The following REPS2 variants were observed in gnomAD, a reference collection of about 807,000 sequenced individuals.
REPS2 encodes the protein ralBP1-associated Eps domain-containing protein 2.
Under a neutral mutation model 53.6 loss-of-function variants are expected in REPS2, and 23 were observed. That is an observed-to-expected ratio of 0.43 (90% confidence interval 0.31 to 0.61). REPS2 has a LOEUF of 0.61. Ranked by LOEUF, REPS2 falls within the 20% of genes least tolerant of loss-of-function variation. REPS2 has a pLI of 0.11. For missense variants in REPS2, 446 were observed against 534.9 expected (o/e 0.83, Z 1.64); for synonymous variants, 238 against 218.6 (o/e 1.09, Z -0.78).
At chrX:16,969,909 A>G (rs1366395490) in intron 1 of REPS2, among the ~76,000 whole-genome samples, 1 of 111,952 alleles carries the variant, frequency 8.9e-6, no homozygotes, top group Non-Finnish European at 1.9e-5. Flanking sequence ...CTAGATCAGG[A>G]ATTATATCTC....
At chrX:16,956,269 CA>C (rs1223602989) in intron 1 of REPS2, among the ~76,000 whole-genome samples, 4 of 80,076 alleles carry the variant, frequency 5.0e-5, no homozygotes, top group Non-Finnish European at 9.6e-5. Flanking sequence ...TGCATGTAAG[CA>C]AAAAACCACA....
chrX:17,078,431 A>G (rs1487607073), intron 13 of REPS2, among the ~76,000 whole-genome samples: 3 of 112,199 alleles, frequency 2.7e-5, no homozygotes, highest in East Asian at 5.6e-4. Flanking sequence ...GTTTTTTAAT[A>G]TACTAAAATC....
At chrX:17,124,663 G>A (rs955918753) in intron 14 of REPS2, among the ~76,000 whole-genome samples, 4 of 110,851 alleles carry the variant, frequency 3.6e-5, no homozygotes, top group African/African-American at 9.9e-5. Context: ...AAAGGCCCTG[G>A]AGGCAGCAGC....
intron 5 of REPS2, among the ~76,000 whole-genome samples, chrX:17,041,617 C>T (rs948455337): frequency 1.8e-5 from 2 of 111,988 alleles, no homozygotes; most frequent in Non-Finnish European, 3.8e-5. Flanking sequence ...GAGGCATCCT[C>T]AGATATTCAC....
intron 11 of REPS2, among the ~76,000 whole-genome samples, chrX:17,071,683 T>C (rs2062308741): frequency 9.0e-6 from 1 of 111,277 alleles, no homozygotes. Context: ...CGTTTCAAGG[T>C]GGTGATTTAG....
intron 14 of REPS2, among the ~76,000 whole-genome samples, chrX:17,113,248 A>G (rs1603052932): frequency 9.5e-6 from 1 of 105,329 alleles, no homozygotes; most frequent in Non-Finnish European, 1.9e-5. Context: ...ATTTTTTGCA[A>G]AGATCAACGA....
intron 11 of REPS2, among the ~76,000 whole-genome samples, chrX:17,071,880 G>T (rs775961988): frequency 6.2e-5 from 7 of 112,239 alleles, no homozygotes; most frequent in Admixed American, 9.4e-5. Context: ...TCCACTTGTT[G>T]TAATTGCTGA....
intron 1 of REPS2, among the ~76,000 whole-genome samples, chrX:16,998,390 T>G (rs1478509867): frequency 2.7e-5 from 3 of 112,506 alleles, no homozygotes; most frequent in Non-Finnish European, 5.6e-5. Context: ...TAGTTTCAAC[T>G]TCTGGAGATG....
At chrX:17,182,132 C>CTCTA in the REPS2 span, among the ~76,000 whole-genome samples, 3 of 90,446 alleles carry the variant, frequency 3.3e-5, no homozygotes, top group African/African-American at 1.3e-4. Context: ...ACCTAGTGTG[C>CTCTA]TCTATCTGTC....
the REPS2 span, among the ~76,000 whole-genome samples, chrX:17,162,001 A>G: frequency 8.9e-6 from 1 of 112,036 alleles, no homozygotes; most frequent in Non-Finnish European, 1.9e-5. Flanking sequence ...TCCTCTCCCC[A>G]GTTCTGTGAT....
At chrX:17,142,457 G>T (rs2063458811) in intron 17 of REPS2, among the ~76,000 whole-genome samples, 1 of 111,621 alleles carries the variant, frequency 9.0e-6, no homozygotes, top group Non-Finnish European at 1.9e-5. Context: ...TTTGATAAAA[G>T]ACTTATATCT....
At chrX:17,112,119 C>T (rs2062979675) in intron 14 of REPS2, among the ~76,000 whole-genome samples, 3 of 110,203 alleles carry the variant, frequency 2.7e-5, no homozygotes, top group Non-Finnish European at 3.8e-5. Flanking sequence ...GCTGCCACAC[C>T]GAGCTAATGT....
chrX:17,088,893 C>T (rs1349020946), intron 13 of REPS2, among the ~76,000 whole-genome samples: 3 of 111,242 alleles, frequency 2.7e-5, no homozygotes, highest in Non-Finnish European at 3.8e-5. Flanking sequence ...CAGAATCTTT[C>T]GAAGTTGGGA....
chrX:17,029,622 G>A lies in REPS2; in HGVS notation c.770G>A (p.Arg257Gln), dbSNP rs775458245. 1.4e-5 allele frequency: 17 copies of A among 1,188,374 alleles called. No homozygotes were observed. Among genetic ancestry groups the A allele is most frequent in the Admixed American group, 1.1e-4 (5 of 45,581 alleles). Residue 257 changes from arginine to glutamine, a missense_variant and splice_region_variant, in exon 5 of 18, where the codon CGG becomes CAG. Coordinates refer to ENST00000357277, the MANE Select transcript of REPS2 (RefSeq NM_004726.3). ...KPLRHQASLI[R>Q]SFSVERELQD... The stretch of plus-strand genomic sequence containing the variant: ...CTTCGGCATCAGGCTTCCCTTATCC[G>A]GGTAAGTGATGATGCAGGGTTATGC...
chrX:17,121,635 C>T, intron 14 of REPS2, among the ~76,000 whole-genome samples: 1 of 112,781 alleles, frequency 8.9e-6, no homozygotes, highest in Middle Eastern at 4.6e-3. Context: ...GGCAAAACTT[C>T]CCTCTTGTTT....
At chrX:17,122,664 A>C (rs1266062890) in intron 14 of REPS2, among the ~76,000 whole-genome samples, 2 of 111,680 alleles carry the variant, frequency 1.8e-5, no homozygotes, top group African/African-American at 3.3e-5. Flanking sequence ...TGGTGTTCCC[A>C]CTCCAGTTCC....
chrX:17,164,472 CAG>C, the REPS2 span, among the ~76,000 whole-genome samples: 1 of 112,002 alleles, frequency 8.9e-6, no homozygotes, highest in Non-Finnish European at 1.9e-5. Context: ...AACTTTAAGA[CAG>C]AAATTGTTAC....
intron 1 of REPS2, among the ~76,000 whole-genome samples, chrX:16,996,250 G>A (rs2061233989): frequency 8.9e-6 from 1 of 111,841 alleles, no homozygotes; most frequent in African/African-American, 3.3e-5. Flanking sequence ...ATGGAAAGAG[G>A]TCAGTCTGCA....
Position 16,968,925 on chromosome X carries a change from C to CA in REPS2, c.273+21792dup, listed in dbSNP as rs1405589432. ...CCGGGTGGAGGGGCTCCTCACTTCT[C>CA]AGACGGGGCGGCTGCCGGGCGGAGG... On this transcript the variant is annotated intron_variant, in intron 1 of 17. Transcript: ENST00000357277. Among the ~76,000 whole-genome samples, 3 of 108,933 alleles carry CA rather than the reference C, an allele frequency of 2.8e-5. No individual in the cohort carries two copies. In the East Asian group the frequency reaches 9.0e-4, roughly 33 times the overall value. 94.6% of individuals were successfully genotyped at this position (108,933 alleles called of 115,157 possible).
Sources: allele counts gnomAD v4.1 joint callset (sites outside exome capture counted in the v4.1 genomes callset), GRCh38; gene constraint gnomAD v4.1.1; transcripts MANE v1.5; gene names NCBI Gene and HGNC (gene_info 2026-07-23, HGNC 2026-07-21).